Variants in CHST3 observed in about 807,000 individuals in gnomAD.
The protein encoded by CHST3 is C6ST-1.
CHST3 carries 20 observed loss-of-function variants against 35.4 expected under a neutral mutation model. That is an observed-to-expected ratio of 0.57 (90% confidence interval 0.40 to 0.82). The LOEUF (loss-of-function observed/expected upper bound fraction) is 0.82, where lower values mean the gene tolerates loss of function less well. Ranked by LOEUF, CHST3 falls within the 40% of genes least tolerant of loss-of-function variation. The pLI, the probability that CHST3 is intolerant of heterozygous loss-of-function variation, is 0.00. For synonymous variants in CHST3, 334 were observed against 295.9 expected (o/e 1.13, Z -1.32); for missense variants, 693 against 670.1 (o/e 1.03, Z -0.38).
chr10:71,979,175 T>G (rs527617818), intron 1 of CHST3, among the ~76,000 whole-genome samples: 1 of 151,992 alleles, frequency 6.6e-6, no homozygotes, highest in Admixed American at 6.6e-5. Flanking sequence ...GAACGTGTGG[T>G]AGGAGGCCCT....
rs4148948 is a variant in CHST3, at chr10:72,010,820, A to G, written c.*2349A>G. The G allele has an allele frequency of 0.62, 94,190 of 151,940 alleles. 29,905 individuals carry two copies. Among genetic ancestry groups the G allele is most frequent in the African/African-American group, 0.77 (31,935 of 41,430 alleles). The allele number at this position is 151,940 out of a possible 1,614,324, so 9.4% of individuals were successfully genotyped here. A position where few individuals can be genotyped will look rare whatever the true frequency, so the allele number is the denominator to read the frequency against. Reference sequence around the variant, plus strand: ...CCTCTGTTCCCCATGTGGAGGTCGGAGGGGCTGGGACTGGGGAGGGGGCAG... The same window carrying G: ...CCTCTGTTCCCCATGTGGAGGTCGGGGGGGCTGGGACTGGGGAGGGGGCAG... On this transcript the variant is annotated 3_prime_UTR_variant, in exon 3 of 3. Coordinates refer to ENST00000373115, the MANE Select transcript of CHST3 (RefSeq NM_004273.5).
rs768518290 is a variant in CHST3, at chr10:72,007,584, G to A, written c.553G>A (p.Ala185Thr). 4.4e-6 allele frequency: 7 copies of A among 1,608,926 alleles called. No homozygotes were observed. In the East Asian group the frequency reaches 1.3e-4, roughly 31 times the overall value. Residue 185 changes from alanine (A) to threonine (T), a missense_variant, in exon 3 of 3, where the codon GCC (alanine) becomes ACC (threonine). Ala to Thr is a moderately conservative substitution (Grantham distance 58). Coordinates refer to ENST00000373115, the MANE Select transcript of CHST3 (RefSeq NM_004273.5). ...EPGGANAAGS[A>T]LVYRDVLKQL... ...GGGGGGCGCCAACGCCGCGGGCTCG[G>A]CCCTGGTGTACCGCGACGTGCTCAA... is the stretch of plus-strand genomic sequence containing the variant.
intron 1 of CHST3, among the ~76,000 whole-genome samples, chr10:71,999,091 A>G (rs760659644): frequency 3.3e-4 from 50 of 152,362 alleles, no homozygotes; most frequent in Non-Finnish European, 4.6e-4. Flanking sequence ...GCTGTCCCCA[A>G]GTGAAACGGA....
At chr10:71,992,417 G>A (rs1047201025) in intron 1 of CHST3, among the ~76,000 whole-genome samples, 1 of 151,792 alleles carries the variant, frequency 6.6e-6, no homozygotes, top group African/African-American at 2.4e-5. Context: ...GGCTCAAGGA[G>A]TTCCTGGGCC....
rs1020457801 is a variant in CHST3, at chr10:71,964,616, G to A, written c.-186G>A. 1 of 152,050 alleles carries A rather than the reference G, an allele frequency of 6.6e-6. No individual in the cohort carries two copies. The highest frequency in any genetic ancestry group is 2.4e-5 in the African/African-American group (1 of 41,428). 9.4% of individuals were successfully genotyped at this position (152,050 alleles called of 1,614,324 possible). A position where few individuals can be genotyped will look rare whatever the true frequency, so the allele number is the denominator to read the frequency against. On this transcript the variant is annotated 5_prime_UTR_variant, in exon 1 of 3. Transcript: ENST00000373115. ...TGCCGGGATCTTCCAGGAGGAAAGC[G>A]AAGTTGCGAGCGGATGCTGCCCGCG...
chr10:71,982,450 C>G (rs541990963), intron 1 of CHST3, among the ~76,000 whole-genome samples: 1 of 152,124 alleles, frequency 6.6e-6, no homozygotes, highest in South Asian at 2.1e-4. Flanking sequence ...CAGAACTGTA[C>G]GATAATCAGT....
chr10:71,989,987 TGTTTTG>T (rs903059056), intron 1 of CHST3, among the ~76,000 whole-genome samples: 12 of 152,266 alleles, frequency 7.9e-5, no homozygotes, highest in African/African-American at 2.9e-4. Flanking sequence ...TGCTGTTTTT[TGTTTTG>T]GTTTTGGTTT....
chr10:72,007,171 G>C lies in CHST3; in HGVS notation c.141-1G>C, dbSNP rs2131773933. The C allele has an allele frequency of 6.2e-7, 1 of 1,614,016 alleles. No individual in the cohort carries two copies. The highest frequency in any genetic ancestry group is 8.5e-7 in the Non-Finnish European group (1 of 1,180,014). Reference sequence around the variant, plus strand: ...GACCCTGATCTTCTTTGTCCTCACAGGGTCTCAGACAAGCTGAAGCAGATT... The same window carrying C: ...GACCCTGATCTTCTTTGTCCTCACACGGTCTCAGACAAGCTGAAGCAGATT... On this transcript the variant is annotated splice_acceptor_variant, in intron 2 of 2. Coordinates refer to ENST00000373115, the MANE Select transcript of CHST3 (RefSeq NM_004273.5). LOFTEE classifies it high-confidence loss of function.
At chr10:72,007,035 A>T (rs1203902196) in intron 2 of CHST3, 137 bp from the exon 3 acceptor site, 1 of 937,296 alleles carries the variant, frequency 1.1e-6, no homozygotes, top group African/African-American at 1.6e-5. Context: ...TTAAACACAA[A>T]TCCTTGCCTC....
rs558720979 is a variant in CHST3, at chr10:71,991,533, C to A, written c.-107-14203C>A. 3.3e-5 allele frequency among the ~76,000 whole-genome samples: 5 copies of A among 152,302 alleles called. No individual in the cohort carries two copies. The East Asian group carries it at 9.6e-4, about 29-fold the overall frequency. On this transcript the variant is annotated intron_variant, in intron 1 of 2. Transcript: ENST00000373115. ...CATTCTATATTTTGGCTGTTACAGG[C>A]ATACCTCAGAGGTATTGCAGGTTCA...
intron 1 of CHST3, among the ~76,000 whole-genome samples, chr10:71,980,056 G>A (rs1205522299): frequency 6.6e-6 from 1 of 152,138 alleles, no homozygotes; most frequent in Non-Finnish European, 1.5e-5. Context: ...GAGGGAATGG[G>A]GAACTTTCAG....
chr10:72,006,250 C>G (rs973095599), intron 2 of CHST3, among the ~76,000 whole-genome samples: 5 of 152,228 alleles, frequency 3.3e-5, no homozygotes, highest in African/African-American at 9.7e-5. Flanking sequence ...AGATACTTAA[C>G]ATTTCTGAGT....
At chr10:71,983,064 CA>C (rs1354347108) in intron 1 of CHST3, among the ~76,000 whole-genome samples, 9 of 152,174 alleles carry the variant, frequency 5.9e-5, no homozygotes, top group Non-Finnish European at 8.8e-5. Flanking sequence ...CTTGTTTGGC[CA>C]GGGGGAGGCC....
At chr10:72,001,197 G>A (rs142212690) in intron 1 of CHST3, among the ~76,000 whole-genome samples, 3 of 152,188 alleles carry the variant, frequency 2.0e-5, no homozygotes, top group African/African-American at 4.8e-5. Flanking sequence ...CCAGATGGTC[G>A]CCGCCCTGAA....
chr10:71,980,854 C>T (rs567036111), intron 1 of CHST3, among the ~76,000 whole-genome samples: 15 of 152,258 alleles, frequency 9.9e-5, no homozygotes, highest in African/African-American at 3.6e-4. Flanking sequence ...CAGGCATTGT[C>T]GTTGGGATCT....
At chr10:72,000,414 C>T (rs923802623) in intron 1 of CHST3, among the ~76,000 whole-genome samples, 7 of 152,054 alleles carry the variant, frequency 4.6e-5, no homozygotes, top group Non-Finnish European at 1.0e-4. Context: ...TAAAGCAGGG[C>T]GCCAAGAGGG....
At chr10:71,970,480 A>G (rs1343565421) in intron 1 of CHST3, among the ~76,000 whole-genome samples, 2 of 152,136 alleles carry the variant, frequency 1.3e-5, no homozygotes, top group Admixed American at 1.3e-4. Flanking sequence ...CTGTGGTTAC[A>G]CCTGCCCCCT....
chr10:72,002,805 G>A (rs904435670), intron 1 of CHST3, among the ~76,000 whole-genome samples: 1 of 152,202 alleles, frequency 6.6e-6, no homozygotes, highest in Non-Finnish European at 1.5e-5. Flanking sequence ...AGCCCCACTG[G>A]CCATTCTACA....
Position 72,005,965 on chromosome 10 carries a change from A to G in CHST3, c.123A>G (p.Glu41=). The G allele has an allele frequency of 6.2e-7, 1 of 1,614,174 alleles. No homozygotes were observed. The highest frequency in any genetic ancestry group is 8.5e-7 in the Non-Finnish European group (1 of 1,180,012). ...VVIVFVFIEK[E]NKIISRVSDK... ...TAGTTTTTGTCTTCATCGAAAAGGA[A>G]AATAAAATCATATCAAGGTGAGGGT... The change falls in exon 2 of 3, where the codon GAA becomes GAG. Residue 41 remains glutamate (E), a synonymous_variant. Coordinates refer to ENST00000373115, the MANE Select transcript of CHST3 (RefSeq NM_004273.5).
Sources: gnomAD v4.1 joint callset for allele counts (sites outside exome capture counted in the v4.1 genomes callset) on GRCh38, gnomAD v4.1.1 for gene constraint, MANE v1.5 for transcripts, NCBI Gene and HGNC (gene_info 2026-07-23, HGNC 2026-07-21) for gene names.